BAZ1B: variants seen among roughly 807,000 people sequenced by gnomAD.
BAZ1B encodes bromodomain adjacent to zinc finger domain 1B.
A neutral mutation model predicts 153.8 loss-of-function variants in BAZ1B; 22 were observed. The observed-to-expected ratio is 0.14, with a 90% CI of 0.10 to 0.20. The LOEUF is 0.20. BAZ1B is among the 10% of genes least tolerant of loss of function. The pLI is 1.00. For synonymous variants in BAZ1B, 676 were observed against 633.4 expected, an observed-to-expected ratio of 1.07 and a Z score of -1.01; for missense variants, 1,325 against 1,799.3, an observed-to-expected ratio of 0.74 and a Z score of 4.77.
intron 1 of BAZ1B, 67 bp from the exon 2 acceptor site, chr7:73,510,919 A>G: frequency 3.1e-6 from 4 of 1,275,022 alleles, no homozygotes; most frequent in Non-Finnish European, 4.5e-6. Context: ...CCCATAAGAT[A>G]CTTATATACA....
At chr7:73,471,769 AAAACATGGAATTTGTTACCTTTGAT>A (rs1788812310) in intron 7 of BAZ1B, among the ~76,000 whole-genome samples, 1 of 152,190 alleles carries the variant, frequency 6.6e-6, no homozygotes, top group Non-Finnish European at 1.5e-5. Flanking sequence ...CCATTTATTT[AAAACATGGAATTTGTTACCTTTGAT>A]AAACAGTTTT....
At position 73,489,370 on chromosome 7, in the gene BAZ1B, C is replaced by A. The variant is rs149674646; in HGVS notation, c.715G>T (p.Asp239Tyr). 1.1e-4 allele frequency: 181 copies of A among 1,614,188 alleles called. 1 individual carries two copies. In the African/African-American group the frequency reaches 2.4e-3, roughly 21 times the overall value. The change falls in exon 6 of 20, where the codon GAC (aspartate) becomes TAC (tyrosine). Residue 239 changes from aspartate to tyrosine, a missense_variant. Around this residue, in one of 9 missense-constraint regions of BAZ1B, gnomAD observed 153 missense variants for 204.8 expected, o/e 0.75. Coordinates refer to ENST00000339594, the MANE Select transcript of BAZ1B (RefSeq NM_032408.4). Reference protein sequence around the residue: ...EDKIISNVPADSLIRTERPPN... With the variant: ...EDKIISNVPAYSLIRTERPPN... ...GGGCGCTCTGTACGAATCAAGCTGT[C>A]TGCTGGCACGTTACTGATGATCTAG...
At chr7:73,520,435 T>C (rs997051526) in intron 1 of BAZ1B, among the ~76,000 whole-genome samples, 3 of 152,138 alleles carry the variant, frequency 2.0e-5, no homozygotes, top group Non-Finnish European at 4.4e-5. Context: ...CTTCTGTTGA[T>C]TGACTTACAG....
chr7:73,475,093 G>A (rs1407439334), intron 7 of BAZ1B, among the ~76,000 whole-genome samples: 1 of 152,148 alleles, frequency 6.6e-6, no homozygotes, highest in Non-Finnish European at 1.5e-5. Flanking sequence ...TGATGAGGAA[G>A]GAGAAAAGTC....
intron 13 of BAZ1B, 65 bp downstream of exon 13, chr7:73,459,471 A>G: frequency 6.5e-7 from 1 of 1,536,528 alleles, no homozygotes; most frequent in Admixed American, 1.9e-5. Context: ...ATAGGGTTAG[A>G]TTATTTTAAA....
chr7:73,485,429 T>C (rs531144358), intron 6 of BAZ1B, among the ~76,000 whole-genome samples: 3 of 151,940 alleles, frequency 2.0e-5, no homozygotes, highest in East Asian at 3.9e-4. Context: ...AAGACCAGCA[T>C]GGGCAAGAGT....
intron 3 of BAZ1B, among the ~76,000 whole-genome samples, chr7:73,501,141 A>T (rs1790115633): frequency 6.6e-6 from 1 of 151,994 alleles, no homozygotes; most frequent in African/African-American, 2.4e-5. Flanking sequence ...CTGTAATCCC[A>T]GCTGCTCGGG....
chr7:73,460,351 G>T (rs570984394), intron 12 of BAZ1B, among the ~76,000 whole-genome samples: 1 of 151,962 alleles, frequency 6.6e-6, no homozygotes, highest in African/African-American at 2.4e-5. Flanking sequence ...CAATTTTAAC[G>T]CAAAGACACA....
At position 73,521,886 on chromosome 7, in the gene BAZ1B, C is replaced by A. The variant is rs898727996; in HGVS notation, c.48G>T (p.Leu16Phe). ...TGGTGAAGAGCGGCTCCTCTCCGGG[C>A]AACGGCTTCACCAGCGGGAAGGGCT... Reference protein sequence around the residue: ...GRKPFPLVKPLPGEEPLFTIP... With the variant: ...GRKPFPLVKPFPGEEPLFTIP... The change falls in exon 1 of 20, where the codon TTG (leucine) becomes TTT (phenylalanine). Residue 16 changes from leucine (L) to phenylalanine (F), a missense_variant. This residue lies in a region of BAZ1B where 61 missense variants were observed against 61.5 expected (regional missense o/e 0.99). Transcript: ENST00000339594. 13 of 1,501,902 alleles carry A rather than the reference C, an allele frequency of 8.7e-6. No individual in the cohort carries two copies. The highest frequency in any genetic ancestry group is 1.2e-5 in the Non-Finnish European group (13 of 1,121,416). 93.0% of individuals were successfully genotyped at this position (1,501,902 alleles called of 1,614,324 possible). A position where few individuals can be genotyped will look rare whatever the true frequency, so the allele number is the denominator to read the frequency against.
intron 3 of BAZ1B, among the ~76,000 whole-genome samples, chr7:73,505,445 C>T (rs550729819): frequency 1.3e-5 from 2 of 152,162 alleles, no homozygotes; most frequent in Non-Finnish European, 2.9e-5. Context: ...GAGATAATCA[C>T]GTCTGTCTTG....
intron 7 of BAZ1B, among the ~76,000 whole-genome samples, chr7:73,471,530 T>G (rs1001858505): frequency 6.6e-6 from 1 of 152,168 alleles, no homozygotes; most frequent in Non-Finnish European, 1.5e-5. Context: ...TATTATTTTT[T>G]TAGAGATAGG....
rs1321330669 is a variant in BAZ1B at position 73,489,375 on chromosome 7, G to T, written c.710C>A (p.Pro237Gln). 6.2e-7 allele frequency: 1 copy of T among 1,614,008 alleles called. No homozygotes were observed. The highest frequency in any genetic ancestry group is 8.5e-7 in the Non-Finnish European group (1 of 1,180,032). Reference sequence around the variant, plus strand: ...CTCTGTACGAATCAAGCTGTCTGCTGGCACGTTACTGATGATCTAGGTTAA... The same window carrying T: ...CTCTGTACGAATCAAGCTGTCTGCTTGCACGTTACTGATGATCTAGGTTAA... ...QNEDKIISNV[P>Q]ADSLIRTERP... The change falls in exon 6 of 20, where the codon CCA becomes CAA. Residue 237 changes from proline (P) to glutamine (Q), a missense_variant. Around this residue, in one of 9 missense-constraint regions of BAZ1B, gnomAD observed 153 missense variants for 204.8 expected, o/e 0.75. Coordinates refer to ENST00000339594, the MANE Select transcript of BAZ1B (RefSeq NM_032408.4).
intron 6 of BAZ1B, among the ~76,000 whole-genome samples, chr7:73,480,210 C>T (rs1789150413): frequency 6.6e-6 from 1 of 151,888 alleles, no homozygotes; most frequent in Non-Finnish European, 1.5e-5. Flanking sequence ...TGCCAGGCAC[C>T]TCAAACGGGT....
At chr7:73,458,643 T>C (rs185915479) in intron 13 of BAZ1B, among the ~76,000 whole-genome samples, 1 of 140,906 alleles carries the variant, frequency 7.1e-6, no homozygotes, top group East Asian at 2.1e-4. Context: ...GCCACTACAC[T>C]CCAGCCTAGG....
At chr7:73,493,839 CAAAAA>C (rs142781016) in intron 4 of BAZ1B, among the ~76,000 whole-genome samples, 1 of 58,300 alleles carries the variant, frequency 1.7e-5, no homozygotes, top group Admixed American at 1.9e-4. Flanking sequence ...ACCCTGTCTC[CAAAAA>C]AAAAAAAAAA....
intron 16 of BAZ1B, among the ~76,000 whole-genome samples, chr7:73,444,827 C>T (rs1554566059): frequency 6.6e-6 from 1 of 151,710 alleles, no homozygotes; most frequent in Non-Finnish European, 1.5e-5. Context: ...CCAGCCTGAC[C>T]AACATGGTGA....
intron 5 of BAZ1B, among the ~76,000 whole-genome samples, chr7:73,490,189 A>C (rs1445793379): frequency 6.6e-6 from 1 of 152,186 alleles, no homozygotes; most frequent in Non-Finnish European, 1.5e-5. Flanking sequence ...CTGGCAGTAG[A>C]GGTTAGGAAT....
At chr7:73,471,474 G>A (rs1048253493) in intron 7 of BAZ1B, among the ~76,000 whole-genome samples, 1 of 152,214 alleles carries the variant, frequency 6.6e-6, no homozygotes, top group Admixed American at 6.5e-5. Flanking sequence ...ACACCATAGG[G>A]TACATGGCAA....
At chr7:73,506,383 C>T (rs1471790610) in intron 3 of BAZ1B, among the ~76,000 whole-genome samples, 5 of 151,900 alleles carry the variant, frequency 3.3e-5, no homozygotes, top group African/African-American at 1.2e-4. Flanking sequence ...CCTGTAGTCC[C>T]AGCTACTCGG....
Sources: allele counts gnomAD v4.1 joint callset (sites outside exome capture counted in the v4.1 genomes callset), GRCh38; gene constraint gnomAD v4.1.1; regional missense constraint gnomAD v4.1.1; transcripts MANE v1.5; gene names NCBI Gene and HGNC (gene_info 2026-07-23, HGNC 2026-07-21).